DPP10: variants seen among roughly 807,000 people sequenced by gnomAD.
The protein encoded by DPP10 is inactive dipeptidyl peptidase 10.
Under a neutral mutation model 120.9 loss-of-function variants are expected in DPP10, and 33 were observed. That is an observed-to-expected ratio of 0.27 (90% CI 0.21 to 0.37). DPP10 has a LOEUF of 0.37. Ranked by LOEUF, DPP10 falls within the 10% of genes least tolerant of loss-of-function variation. The pLI is 1.00. For synonymous variants in DPP10, 337 were observed against 326.1 expected (o/e 1.03, Z -0.36); for missense variants, 816 against 942.8 (o/e 0.87, Z 1.76).
rs1242932823 is a variant in DPP10 at position 115,133,115 on chromosome 2, A to ATGTG, written c.61-176096_61-176093dup. 3.9e-3 allele frequency among the ~76,000 whole-genome samples: 292 copies of ATGTG among 73,954 alleles called. 13 individuals carry two copies. Among genetic ancestry groups the ATGTG allele is most frequent in the African/African-American group, 0.013 (203 of 15,756 alleles). 48.5% of individuals were successfully genotyped at this position (73,954 alleles called of 152,430 possible). ...TCCCAATCTATATATATGTATATGT[A>ATGTG]TGTGTGTGTGTGTGTGTGTGTGTGT... is the stretch of plus-strand genomic sequence containing the variant. On this transcript the variant is annotated intron_variant, in intron 1 of 25. Coordinates refer to ENST00000410059, the MANE Select transcript of DPP10 (RefSeq NM_020868.6).
Position 115,335,727 on chromosome 2 carries a change from A to T in DPP10, c.176-8090A>T, listed in dbSNP as rs577871437. Among the ~76,000 whole-genome samples, 11 of 152,164 alleles carry T rather than the reference A, an allele frequency of 7.2e-5. No individual in the cohort carries two copies. The South Asian group carries it at 2.3e-3, about 31-fold the overall frequency. ...AGCTGTGCAAGGAGGGGTAGAAGTG[A>T]TGTTATTTCAATCAGCTAGTCAATA... On this transcript the variant is annotated intron_variant, in intron 2 of 25. Transcript: ENST00000410059.
intron 1 of DPP10, among the ~76,000 whole-genome samples, chr2:114,478,636 G>A (rs1380731396): frequency 6.6e-6 from 1 of 152,024 alleles, no homozygotes; most frequent in Non-Finnish European, 1.5e-5. Flanking sequence ...AAATTGTAAA[G>A]AAAATTATCT....
intron 5 of DPP10, among the ~76,000 whole-genome samples, chr2:115,559,905 T>C (rs2080454737): frequency 6.6e-6 from 1 of 152,178 alleles, no homozygotes; most frequent in South Asian, 2.1e-4. Context: ...GATACTCTGT[T>C]AGACATTGTC....
At chr2:114,828,656 T>A (rs1020714994) in intron 1 of DPP10, 1 of 152,194 alleles carries the variant, frequency 6.6e-6, no homozygotes, top group African/African-American at 2.4e-5. Context: ...GCATGTGCTG[T>A]TTGGTAAGCT....
chr2:114,806,969 A>G lies in DPP10; in HGVS notation c.60+364131A>G, dbSNP rs75722680. Among the ~76,000 whole-genome samples the G allele has an allele frequency of 6.1e-3, 922 of 152,324 alleles. 15 individuals are homozygous for G. Among genetic ancestry groups the G allele is most frequent in the African/African-American group, 0.021 (884 of 41,566 alleles). Reference sequence around the variant, plus strand: ...GCCGACAGCATCCTTCCCATTGAGTACAGAATCAGTCGTGAAACTAATTTC... The same window carrying G: ...GCCGACAGCATCCTTCCCATTGAGTGCAGAATCAGTCGTGAAACTAATTTC... On this transcript the variant is annotated intron_variant, in intron 1 of 25. Coordinates refer to ENST00000410059, the MANE Select transcript of DPP10 (RefSeq NM_020868.6).
Position 114,462,024 on chromosome 2 carries a change from A to G in DPP10, c.60+19186A>G, listed in dbSNP as rs916644215. On this transcript the variant is annotated intron_variant, in intron 1 of 25. Coordinates refer to ENST00000410059, the MANE Select transcript of DPP10 (RefSeq NM_020868.6). ...AGTGCTACAATATTCTTTCAAATTCATCGCAGTTGAGAGAAAACTGGAGCA... is the reference window on the plus strand; with the variant it reads ...AGTGCTACAATATTCTTTCAAATTCGTCGCAGTTGAGAGAAAACTGGAGCA... 3 of 985,292 alleles carry G rather than the reference A, an allele frequency of 3.0e-6. No individual in the cohort carries two copies. In the South Asian group the frequency reaches 1.4e-4, roughly 46 times the overall value. The allele number at this position is 985,292 out of a possible 1,614,324, so 61.0% of individuals were successfully genotyped here.
At chr2:115,728,175 T>C (rs1030979650) in intron 8 of DPP10, among the ~76,000 whole-genome samples, 1 of 152,028 alleles carries the variant, frequency 6.6e-6, no homozygotes, top group Non-Finnish European at 1.5e-5. Flanking sequence ...GCTAGATAGA[T>C]ATTATTTGTG....
chr2:115,472,348 C>T (rs761781631), intron 3 of DPP10, among the ~76,000 whole-genome samples: 3 of 152,006 alleles, frequency 2.0e-5, no homozygotes, highest in Non-Finnish European at 4.4e-5. Flanking sequence ...CGAATATGAA[C>T]TAAAAATGCT....
intron 1 of DPP10, among the ~76,000 whole-genome samples, chr2:115,119,336 A>G (rs951420666): frequency 1.3e-5 from 2 of 152,302 alleles, no homozygotes; most frequent in East Asian, 3.9e-4. Flanking sequence ...GAAGCTGCTA[A>G]TCACCAGCTT....
chr2:114,548,119 C>T (rs571159009), intron 1 of DPP10, among the ~76,000 whole-genome samples: 2 of 152,216 alleles, frequency 1.3e-5, no homozygotes, highest in African/African-American at 4.8e-5. Flanking sequence ...AGCAGGGTTG[C>T]TTTGAAGATT....
Position 115,750,046 on chromosome 2 carries a change from A to G in DPP10, c.951-3128A>G, listed in dbSNP as rs1678504881. 19 of 985,288 alleles carry G rather than the reference A, an allele frequency of 1.9e-5. No individual in the cohort carries two copies. In the South Asian group the frequency reaches 8.0e-4, roughly 41 times the overall value. The allele number at this position is 985,288 out of a possible 1,614,324, so 61.0% of individuals were successfully genotyped here. A position where few individuals can be genotyped will look rare whatever the true frequency, so the allele number is the denominator to read the frequency against. ...TGGGTAATCCAGAGCCATGGAGACT[A>G]GGAACAAGCAGGAAACCCAGTTATA... On this transcript the variant is annotated intron_variant, in intron 10 of 25. Transcript: ENST00000410059.
At chr2:114,447,140 G>A (rs1223860292) in intron 1 of DPP10, among the ~76,000 whole-genome samples, 2 of 151,008 alleles carry the variant, frequency 1.3e-5, no homozygotes, top group African/African-American at 4.9e-5. Context: ...GGGACTACAG[G>A]CACCTGCCAC....
At chr2:114,458,353 A>T (rs1428677279) in intron 1 of DPP10, among the ~76,000 whole-genome samples, 1 of 152,164 alleles carries the variant, frequency 6.6e-6, no homozygotes, top group Non-Finnish European at 1.5e-5. Context: ...GAGAATCACA[A>T]CTTGACCACT....
At chr2:115,284,485 T>C (rs1015822060) in intron 1 of DPP10, among the ~76,000 whole-genome samples, 1 of 152,050 alleles carries the variant, frequency 6.6e-6, no homozygotes, top group Non-Finnish European at 1.5e-5. Context: ...CAAGCAATTT[T>C]TCCTGCACTT....
chr2:115,593,286 G>A (rs1402726959), intron 5 of DPP10, among the ~76,000 whole-genome samples: 1 of 152,126 alleles, frequency 6.6e-6, no homozygotes, highest in Non-Finnish European at 1.5e-5. Flanking sequence ...AAAGGTTGAT[G>A]CATGGCACGG....
chr2:115,515,078 CT>C (rs2077431045), intron 4 of DPP10, among the ~76,000 whole-genome samples: 2 of 151,802 alleles, frequency 1.3e-5, no homozygotes, highest in East Asian at 1.9e-4. Flanking sequence ...TTTATATGAA[CT>C]TTTTTAAAAC....
At chr2:115,344,375 T>C (rs2063608786) in intron 3 of DPP10, among the ~76,000 whole-genome samples, 1 of 152,122 alleles carries the variant, frequency 6.6e-6, no homozygotes, top group African/African-American at 2.4e-5. Flanking sequence ...AGCACATCAC[T>C]AGATAATTTT....
rs192775207 is a variant in DPP10 at position 114,548,642 on chromosome 2, G to A, written c.60+105804G>A. ...AAGCAGTTGGTTGTCCCTAAACAGC[G>A]ACTTCATTTCCGGAGCTACTTTTTA... On this transcript the variant is annotated intron_variant, in intron 1 of 25. Coordinates refer to ENST00000410059, the MANE Select transcript of DPP10 (RefSeq NM_020868.6). Among the ~76,000 whole-genome samples, 22 of 152,268 alleles carry A rather than the reference G, an allele frequency of 1.4e-4. No homozygotes were observed. The East Asian group carries it at 3.3e-3, about 23-fold the overall frequency.
chr2:114,850,283 T>C (rs1688857196), intron 1 of DPP10, among the ~76,000 whole-genome samples: 1 of 152,148 alleles, frequency 6.6e-6, no homozygotes, highest in Non-Finnish European at 1.5e-5. Flanking sequence ...CACCTTGGCT[T>C]CTTGAGTAGC....
Sources: allele counts gnomAD v4.1 joint callset (sites outside exome capture counted in the v4.1 genomes callset), GRCh38; gene constraint gnomAD v4.1.1; transcripts MANE v1.5; gene names NCBI Gene and HGNC (gene_info 2026-07-23, HGNC 2026-07-21).